The following CLNK variants were observed in gnomAD, a reference collection of about 807,000 sequenced individuals.
CLNK encodes the protein cytokine-dependent hematopoietic cell linker.
CLNK carries 74 observed loss-of-function variants against 68.6 expected under a neutral mutation model. The ratio of observed to expected loss-of-function variants is 1.08; its 90% CI spans 0.89 to 1.31. CLNK has a LOEUF of 1.31. CLNK is among the 50% of genes most tolerant of loss of function. The pLI is 0.00. For missense variants in CLNK, 553 were observed against 515.3 expected (o/e 1.07, Z -0.71); for synonymous variants, 198 against 172.2 (o/e 1.15, Z -1.17).
intron 2 of CLNK, among the ~76,000 whole-genome samples, chr4:10,625,303 G>A (rs534517739): frequency 5.3e-5 from 8 of 152,308 alleles, no homozygotes; most frequent in East Asian, 3.9e-4. Context: ...GGTGTTTGGC[G>A]TACAAAGGCA....
At chr4:10,733,176 G>T in the CLNK span, among the ~76,000 whole-genome samples, 571 of 152,076 alleles carry the variant, frequency 3.8e-3, 6 homozygotes, top group African/African-American at 0.013. Context: ...TGCCTGTCTT[G>T]GGGGTGCCTC....
intron 17 of CLNK, among the ~76,000 whole-genome samples, chr4:10,507,240 T>C (rs1717342576): frequency 1.3e-5 from 2 of 151,380 alleles, no homozygotes; most frequent in Non-Finnish European, 2.9e-5. Flanking sequence ...GCCTCCCGAG[T>C]AGCTGAGATT....
At chr4:10,619,571 G>C (rs1308385481) in intron 2 of CLNK, among the ~76,000 whole-genome samples, 2 of 152,082 alleles carry the variant, frequency 1.3e-5, no homozygotes, top group African/African-American at 2.4e-5. Context: ...AAACATAGGT[G>C]TGTTTGTGTG....
At chr4:10,692,967 T>C in the CLNK span, among the ~76,000 whole-genome samples, 4 of 152,314 alleles carry the variant, frequency 2.6e-5, no homozygotes, top group South Asian at 8.3e-4. Context: ...CATTGAGAGA[T>C]TGTTTTATGT....
intron 2 of CLNK, among the ~76,000 whole-genome samples, chr4:10,624,605 T>G (rs1258256566): frequency 2.6e-5 from 4 of 151,066 alleles, no homozygotes; most frequent in Admixed American, 6.6e-5. Context: ...TTTTTTTTTT[T>G]TTTTTTTTTT....
At chr4:10,659,224 CA>C (rs1360052911) in intron 2 of CLNK, among the ~76,000 whole-genome samples, 2 of 151,964 alleles carry the variant, frequency 1.3e-5, no homozygotes, top group African/African-American at 4.8e-5. Flanking sequence ...ACGTAACACA[CA>C]AAAAAATGGT....
intron 1 of CLNK, among the ~76,000 whole-genome samples, chr4:10,669,524 G>T (rs1292111824): frequency 2.6e-5 from 4 of 152,162 alleles, no homozygotes; most frequent in Non-Finnish European, 5.9e-5. Context: ...GAGTGGCTTT[G>T]CACATTTTGG....
At chr4:10,720,580 A>C in the CLNK span, among the ~76,000 whole-genome samples, 1 of 151,312 alleles carries the variant, frequency 6.6e-6, no homozygotes, top group East Asian at 1.9e-4. Flanking sequence ...ACCTCCGCAA[A>C]ACGTGTACCA....
chr4:10,648,580 G>T (rs1244276456), intron 2 of CLNK, among the ~76,000 whole-genome samples: 1 of 152,196 alleles, frequency 6.6e-6, no homozygotes, highest in Non-Finnish European at 1.5e-5. Flanking sequence ...TCATATGAAA[G>T]ATGGTGGAGA....
chr4:10,520,945 T>G, intron 14 of CLNK, 114 bp from the exon 15 acceptor site: 2 of 761,446 alleles, frequency 2.6e-6, no homozygotes. Flanking sequence ...ATAAAGCACT[T>G]TATATTTTAC....
At chr4:10,548,165 T>G (rs1719309419) in intron 8 of CLNK, among the ~76,000 whole-genome samples, 2 of 152,208 alleles carry the variant, frequency 1.3e-5, no homozygotes, top group South Asian at 4.1e-4. Flanking sequence ...CTTTTGTTTT[T>G]TGTGTGTGTT....
At chr4:10,527,990 T>C (rs535488650) in intron 13 of CLNK, 86 bp downstream of exon 13, 48 of 720,732 alleles carry the variant, frequency 6.7e-5, no homozygotes, top group Non-Finnish European at 9.2e-5. Flanking sequence ...CAATCAATCC[T>C]TTTTAATAAC....
At chr4:10,695,258 T>C in the CLNK span, among the ~76,000 whole-genome samples, 1 of 152,216 alleles carries the variant, frequency 6.6e-6, no homozygotes, top group East Asian at 1.9e-4. Flanking sequence ...CATTCCACAA[T>C]GTATACATGT....
At chr4:10,591,621 G>A (rs574931965) in intron 3 of CLNK, among the ~76,000 whole-genome samples, 14 of 152,338 alleles carry the variant, frequency 9.2e-5, no homozygotes, top group African/African-American at 3.4e-4. Flanking sequence ...TCATGTCTGG[G>A]TCTATACCTG....
intron 2 of CLNK, among the ~76,000 whole-genome samples, chr4:10,600,196 C>T (rs571676620): frequency 6.6e-6 from 1 of 152,082 alleles, no homozygotes; most frequent in Non-Finnish European, 1.5e-5. Context: ...TTCTTTTTGC[C>T]TCCTCTGGGC....
chr4:10,730,160 C>A, the CLNK span, among the ~76,000 whole-genome samples: 7 of 152,178 alleles, frequency 4.6e-5, no homozygotes, highest in African/African-American at 1.7e-4. Context: ...ACCTACCTGG[C>A]AAGCTCACGG....
rs1219803334 is a variant in CLNK at position 10,587,373 on chromosome 4, G to T, written c.84-2418C>A. On this transcript the variant is annotated intron_variant, in intron 3 of 18. Transcript: ENST00000226951. ...GGGCCATGCTTTGAAAAGCCCCGAG[G>T]CAGTGGAAGGCTCCCGAGGATGCTA... Among the ~76,000 whole-genome samples the T allele has an allele frequency of 2.6e-5, 4 of 152,210 alleles. No individual in the cohort carries two copies. The East Asian group carries it at 5.8e-4, about 22-fold the overall frequency.
chr4:10,620,371 A>G (rs564801342), intron 2 of CLNK, among the ~76,000 whole-genome samples: 45 of 152,296 alleles, frequency 3.0e-4, no homozygotes, highest in Non-Finnish European at 5.0e-4. Context: ...GTCAACACCA[A>G]TGCCAGAAAC....
chr4:10,650,285 T>C (rs1272952942), intron 2 of CLNK, among the ~76,000 whole-genome samples: 4 of 151,980 alleles, frequency 2.6e-5, no homozygotes, highest in Non-Finnish European at 1.5e-5. Context: ...CTAGTATACA[T>C]CTAATCAAAG....
Sources: gnomAD v4.1 joint callset for allele counts (sites outside exome capture counted in the v4.1 genomes callset) on GRCh38, gnomAD v4.1.1 for gene constraint, MANE v1.5 for transcripts, NCBI Gene and HGNC (gene_info 2026-07-23, HGNC 2026-07-21) for gene names.